ESR1: variants seen among roughly 807,000 people sequenced by gnomAD.
The protein encoded by ESR1 is estrogen receptor 1, also known as estrogen receptor.
Under a neutral mutation model 52.7 loss-of-function variants are expected in ESR1, and 12 were observed. The ratio of observed to expected loss-of-function variants is 0.23; its 90% CI spans 0.15 to 0.37. ESR1 has a LOEUF of 0.37. ESR1 is among the 10% of genes least tolerant of loss of function. The pLI is 1.00. For synonymous variants in ESR1, 305 were observed against 316.8 expected (o/e 0.96, Z 0.39); for missense variants, 584 against 779.7 (o/e 0.75, Z 2.99).
intron 1 of ESR1, among the ~76,000 whole-genome samples, chr6:151,685,274 C>G (rs1437337422): frequency 6.6e-6 from 1 of 151,344 alleles, no homozygotes; most frequent in East Asian, 1.9e-4. Context: ...GCTGGGACTA[C>G]AGGCGCCCGC....
chr6:151,731,071 G>A (rs888556324), intron 2 of ESR1, among the ~76,000 whole-genome samples: 1 of 152,108 alleles, frequency 6.6e-6, no homozygotes, highest in Non-Finnish European at 1.5e-5. Flanking sequence ...GAATGTGGGT[G>A]CAGGCTGGAC....
chr6:151,986,840 TCTC>T (rs1299050208), intron 4 of ESR1, among the ~76,000 whole-genome samples: 1 of 152,098 alleles, frequency 6.6e-6, no homozygotes, highest in East Asian at 1.9e-4. Context: ...TTCTCTCCCT[TCTC>T]CTTTCCTCTT....
chr6:151,815,952 G>T (rs928674403), intron 1 of ESR1, among the ~76,000 whole-genome samples: 1 of 152,102 alleles, frequency 6.6e-6, no homozygotes, highest in Non-Finnish European at 1.5e-5. Flanking sequence ...CCTAAGCATG[G>T]TCCTGAAGTA....
chr6:151,693,509 G>C (rs924118987), intron 1 of ESR1, among the ~76,000 whole-genome samples: 2 of 152,206 alleles, frequency 1.3e-5, no homozygotes. Context: ...ATCTTGCTGA[G>C]ATGAGCGTGT....
chr6:151,783,739 C>T (rs1442083340), intron 2 of ESR1, among the ~76,000 whole-genome samples: 2 of 152,122 alleles, frequency 1.3e-5, no homozygotes, highest in East Asian at 1.9e-4. Context: ...TTATTATTAA[C>T]TTAATTCATG....
chr6:151,760,507 G>T (rs1025849418), intron 2 of ESR1, among the ~76,000 whole-genome samples: 8 of 152,098 alleles, frequency 5.3e-5, no homozygotes, highest in Non-Finnish European at 8.8e-5. Flanking sequence ...CCTATTATCT[G>T]TGTCCTTTCT....
At chr6:151,826,774 C>T (rs1781575885) in intron 1 of ESR1, among the ~76,000 whole-genome samples, 1 of 152,132 alleles carries the variant, frequency 6.6e-6, no homozygotes, top group Non-Finnish European at 1.5e-5. Flanking sequence ...TACTCTATGC[C>T]AGGTATTGTT....
At position 151,824,869 on chromosome 6, in the gene ESR1, C is replaced by A. The variant is rs572045077; in HGVS notation, c.452+16505C>A. 3.3e-5 allele frequency among the ~76,000 whole-genome samples: 5 copies of A among 150,664 alleles called. No homozygotes were observed. The South Asian group carries it at 1.1e-3, about 32-fold the overall frequency. On this transcript the variant is annotated intron_variant, in intron 1 of 7. Coordinates refer to ENST00000206249, the MANE Select transcript of ESR1 (RefSeq NM_000125.4). Reference sequence around the variant, plus strand: ...CCAGGAGGTGTAGGTTGCAGTGAGCCAAGCTTGCACCACTGCACTCCAGGC... The same window carrying A: ...CCAGGAGGTGTAGGTTGCAGTGAGCAAAGCTTGCACCACTGCACTCCAGGC...
rs1196720209 is a variant in ESR1, at chr6:151,787,495, T to G, written c.-70-20348T>G. On this transcript the variant is annotated intron_variant, in intron 2 of 2. Transcript: ENST00000404742. ...TCATGAGCATGGAATGTTTTTTCCA[T>G]TTGTTTGTGTCATCTCTGATTTATT... Among the ~76,000 whole-genome samples the G allele has an allele frequency of 5.3e-5, 8 of 152,198 alleles. No homozygotes were observed. The South Asian group carries it at 1.7e-3, about 32-fold the overall frequency.
At chr6:151,942,375 A>G (rs2035172772) in intron 3 of ESR1, among the ~76,000 whole-genome samples, 1 of 152,194 alleles carries the variant, frequency 6.6e-6, no homozygotes, top group Non-Finnish European at 1.5e-5. Flanking sequence ...AGAGAATGAT[A>G]TTGTACAAGT....
At chr6:151,905,234 G>A (rs1470062547) in intron 3 of ESR1, among the ~76,000 whole-genome samples, 1 of 152,168 alleles carries the variant, frequency 6.6e-6, no homozygotes, top group East Asian at 1.9e-4. Flanking sequence ...GGAAGGAGGT[G>A]CGAGTGACCT....
chr6:151,871,498 G>C (rs1259558477), intron 2 of ESR1, among the ~76,000 whole-genome samples: 1 of 152,060 alleles, frequency 6.6e-6, no homozygotes, highest in African/African-American at 2.4e-5. Flanking sequence ...CTGCTTCCTG[G>C]GTTCAAGAGA....
intron 1 of ESR1, among the ~76,000 whole-genome samples, chr6:151,836,665 A>G (rs1260443461): frequency 6.6e-6 from 1 of 152,178 alleles, no homozygotes; most frequent in Non-Finnish European, 1.5e-5. Context: ...GGGAACATAC[A>G]CTTGTCAATA....
chr6:151,869,939 C>T (rs976262954), intron 2 of ESR1, among the ~76,000 whole-genome samples: 2 of 152,092 alleles, frequency 1.3e-5, no homozygotes, highest in Admixed American at 6.5e-5. Flanking sequence ...TATTTGCATG[C>T]CATTGTGTAC....
At chr6:152,041,387 C>A (rs2092703) in intron 5 of ESR1, among the ~76,000 whole-genome samples, 1 of 151,932 alleles carries the variant, frequency 6.6e-6, no homozygotes, top group Non-Finnish European at 1.5e-5. Flanking sequence ...GTAACACACC[C>A]AAATGAGGAA....
chr6:151,918,224 C>T (rs80288065), intron 3 of ESR1, among the ~76,000 whole-genome samples: 181 of 152,314 alleles, frequency 1.2e-3, no homozygotes, highest in African/African-American at 3.9e-3. Flanking sequence ...AGGTAGGAAC[C>T]TAACTCTGGA....
At chr6:151,983,763 C>G (rs1243418630) in intron 4 of ESR1, among the ~76,000 whole-genome samples, 2 of 152,060 alleles carry the variant, frequency 1.3e-5, no homozygotes, top group Admixed American at 6.5e-5. Context: ...CTGCCTTTAG[C>G]TCTTTTACTT....
intron 2 of ESR1, among the ~76,000 whole-genome samples, chr6:151,721,813 A>G (rs996863298): frequency 2.0e-5 from 3 of 152,214 alleles, no homozygotes; most frequent in African/African-American, 7.2e-5. Flanking sequence ...GTTCAACAAG[A>G]TTTCATTCTT....
In ESR1 at chr6:152,096,641, G is replaced by T. The variant is rs536036038; in HGVS notation, c.1553+2073G>T. ...GCTTCTACTTGGTAAGAAGGTGATTGCAATCTCTGTTCTCAGGGTTCCCCA... is the reference window on the plus strand; with the variant it reads ...GCTTCTACTTGGTAAGAAGGTGATTTCAATCTCTGTTCTCAGGGTTCCCCA... On this transcript the variant is annotated intron_variant, in intron 7 of 7. Coordinates refer to ENST00000206249, the MANE Select transcript of ESR1 (RefSeq NM_000125.4). 2.3e-3 allele frequency: 1,062 copies of T among 455,966 alleles called. 5 individuals are homozygous for T. Among genetic ancestry groups the T allele is most frequent in the Non-Finnish European group, 3.7e-3 (850 of 226,774 alleles). 28.2% of individuals were successfully genotyped at this position (455,966 alleles called of 1,614,324 possible). A position where few individuals can be genotyped will look rare whatever the true frequency, so the allele number is the denominator to read the frequency against.
Sources: gnomAD v4.1 joint callset for allele counts (sites outside exome capture counted in the v4.1 genomes callset) on GRCh38, gnomAD v4.1.1 for gene constraint, MANE v1.5 for transcripts, NCBI Gene and HGNC (gene_info 2026-07-23, HGNC 2026-07-21) for gene names.